Variants in C1QTNF3 observed in about 807,000 individuals in gnomAD.
C1QTNF3 encodes complement C1q tumor necrosis factor-related protein 3.
C1QTNF3 carries 26 observed loss-of-function variants against 32.6 expected under a neutral mutation model. That is an observed-to-expected ratio of 0.80 (90% CI 0.58 to 1.11). C1QTNF3 has a LOEUF of 1.11. C1QTNF3 is among the 50% of genes least tolerant of loss of function. The pLI, the probability that C1QTNF3 is intolerant of heterozygous loss-of-function variation, is 0.00. For missense variants in C1QTNF3, 362 were observed against 398.2 expected, an observed-to-expected ratio of 0.91 and a Z score of 0.77; for synonymous variants, 155 against 146.0, an observed-to-expected ratio of 1.06 and a Z score of -0.44.
chr5:34,042,674 C>A, intron 1 of C1QTNF3, 149 bp downstream of exon 1: 1 of 763,564 alleles, frequency 1.3e-6, no homozygotes, highest in South Asian at 1.9e-5. Context: ...CAAGAGCAAT[C>A]CAGAAAGAGA....
the C1QTNF3 span, among the ~76,000 whole-genome samples, chr5:34,205,825 A>C: frequency 2.0e-5 from 3 of 148,496 alleles, no homozygotes; most frequent in Non-Finnish European, 3.0e-5. Flanking sequence ...AAAAATTGAT[A>C]CTCCCTTAGC....
At chr5:34,116,748 C>A in the C1QTNF3 span, among the ~76,000 whole-genome samples, 4 of 151,782 alleles carry the variant, frequency 2.6e-5, no homozygotes, top group African/African-American at 9.7e-5. Flanking sequence ...GCGCCTGACA[C>A]CACGCCCAGC....
chr5:34,162,744 C>T, the C1QTNF3 span, among the ~76,000 whole-genome samples: 30 of 152,076 alleles, frequency 2.0e-4, no homozygotes, highest in African/African-American at 7.0e-4. Flanking sequence ...AGCTCACTAC[C>T]TCTTATTAAA....
intron 5 of C1QTNF3, among the ~76,000 whole-genome samples, chr5:34,021,788 G>C (rs1270257524): frequency 6.6e-6 from 1 of 152,214 alleles, no homozygotes; most frequent in African/African-American, 2.4e-5. Flanking sequence ...AGGGGAGGGA[G>C]AGCATTAGGA....
chr5:34,035,612 C>T (rs779593608), intron 2 of C1QTNF3, 35 bp downstream of exon 2: 46 of 1,455,368 alleles, frequency 3.2e-5, no homozygotes, highest in Non-Finnish European at 4.1e-5. Flanking sequence ...GCTCAGGCTG[C>T]AATTAGATTG....
chr5:34,177,716 T>C, the C1QTNF3 span, among the ~76,000 whole-genome samples: 1 of 151,614 alleles, frequency 6.6e-6, no homozygotes, highest in African/African-American at 2.4e-5. Context: ...CTTGAACTCT[T>C]GGCCTCGTGA....
chr5:34,056,363 GTC>G, the C1QTNF3 span, among the ~76,000 whole-genome samples: 1 of 147,388 alleles, frequency 6.8e-6, no homozygotes, highest in Non-Finnish European at 1.5e-5. Context: ...ACATCATTTT[GTC>G]TCTAAGAATC....
chr5:34,242,560 AAAAC>A, the C1QTNF3 span, among the ~76,000 whole-genome samples: 43,280 of 151,608 alleles, frequency 0.29, 6,428 homozygotes, highest in East Asian at 0.48. Flanking sequence ...TGAAAACTCT[AAAAC>A]AAAACCTAGG....
intron 4 of C1QTNF3, among the ~76,000 whole-genome samples, chr5:34,026,957 G>A (rs558322132): frequency 1.3e-5 from 2 of 152,246 alleles, no homozygotes; most frequent in African/African-American, 4.8e-5. Flanking sequence ...ACAATAAATG[G>A]AATGAAAAGC....
At chr5:34,021,161 C>T (rs1317648209) in intron 5 of C1QTNF3, among the ~76,000 whole-genome samples, 1 of 152,122 alleles carries the variant, frequency 6.6e-6, no homozygotes, top group East Asian at 1.9e-4. Flanking sequence ...TTCCCCTAAC[C>T]AAGCTAGAAT....
At chr5:34,021,353 G>A (rs1449862236) in intron 5 of C1QTNF3, among the ~76,000 whole-genome samples, 1 of 152,198 alleles carries the variant, frequency 6.6e-6, no homozygotes, top group Non-Finnish European at 1.5e-5. Flanking sequence ...TGCCTGTAGG[G>A]TAAGAAAGGG....
chr5:34,225,936 T>C, the C1QTNF3 span, among the ~76,000 whole-genome samples: 1 of 151,966 alleles, frequency 6.6e-6, no homozygotes, highest in Non-Finnish European at 1.5e-5. Flanking sequence ...AAAATAAAGC[T>C]TTTAATTTTA....
chr5:34,204,127 CAAAT>C, the C1QTNF3 span, among the ~76,000 whole-genome samples: 1 of 152,054 alleles, frequency 6.6e-6, no homozygotes, highest in Non-Finnish European at 1.5e-5. Context: ...AGACAGAAAA[CAAAT>C]AAACATAAGA....
the C1QTNF3 span, chr5:34,124,442 G>A: frequency 2.5e-5 from 18 of 716,554 alleles, no homozygotes; most frequent in Admixed American, 4.0e-5. Flanking sequence ...GCCTCAGGGA[G>A]CTCTTAGTCA....
At chr5:34,215,671 G>A in the C1QTNF3 span, among the ~76,000 whole-genome samples, 1 of 152,104 alleles carries the variant, frequency 6.6e-6, no homozygotes. Flanking sequence ...TGGAGACAGA[G>A]TCTTACTCTG....
the C1QTNF3 span, among the ~76,000 whole-genome samples, chr5:34,070,523 G>A: frequency 6.6e-6 from 1 of 152,064 alleles, no homozygotes; most frequent in Non-Finnish European, 1.5e-5. Flanking sequence ...CTTACTTCAT[G>A]GGTAGAGTTT....
the C1QTNF3 span, chr5:34,158,307 A>ATGTTGGCTGGGCTGGTCTTCAGCTCC: frequency 2.0e-5 from 3 of 152,096 alleles, no homozygotes; most frequent in African/African-American, 7.2e-5. Context: ...GGGTTTCACC[A>ATGTTGGCTGGGCTGGTCTTCAGCTCC]TGTTGGCTGG....
the C1QTNF3 span, among the ~76,000 whole-genome samples, chr5:34,072,242 C>A: frequency 6.6e-6 from 1 of 150,584 alleles, no homozygotes; most frequent in Non-Finnish European, 1.5e-5. Flanking sequence ...CCTGCCTAGG[C>A]CTTCCAAAGA....
the C1QTNF3 span, among the ~76,000 whole-genome samples, chr5:34,057,429 G>C: frequency 6.6e-6 from 1 of 152,170 alleles, no homozygotes; most frequent in Non-Finnish European, 1.5e-5. Flanking sequence ...AATGTCACTG[G>C]TTTTGTTATT....
Sources: allele counts gnomAD v4.1 joint callset (sites outside exome capture counted in the v4.1 genomes callset), GRCh38; gene constraint gnomAD v4.1.1; transcripts MANE v1.5; gene names NCBI Gene and HGNC (gene_info 2026-07-23, HGNC 2026-07-21).